Variants in ATP2B2 observed in about 807,000 individuals in gnomAD.
The protein encoded by ATP2B2 is plasma membrane calcium-transporting ATPase 2.
A neutral mutation model predicts 120.0 loss-of-function variants in ATP2B2; 15 were observed. The observed-to-expected ratio is 0.12, with a 90% CI of 0.08 to 0.19. ATP2B2 has a LOEUF of 0.19. Ranked by LOEUF, ATP2B2 falls within the 10% of genes least tolerant of loss-of-function variation. The pLI, the probability that ATP2B2 is intolerant of heterozygous loss-of-function variation, is 1.00. For synonymous variants in ATP2B2, 694 were observed against 700.3 expected, an observed-to-expected ratio of 0.99 and a Z score of 0.14; for missense variants, 1,045 against 1,719.8, an observed-to-expected ratio of 0.61 and a Z score of 6.94.
rs1553616105 is a variant in ATP2B2, at chr3:10,486,338, T to TGTG, written c.-320+19124_-320+19126dup. Among the ~76,000 whole-genome samples, 4 of 151,964 alleles carry TGTG rather than the reference T, an allele frequency of 2.6e-5. No homozygotes were observed. In the East Asian group the frequency reaches 7.8e-4, roughly 30 times the overall value. On this transcript the variant is annotated intron_variant, in intron 1 of 22. Coordinates refer to ENST00000360273, the MANE Select transcript of ATP2B2 (RefSeq NM_001001331.4). ...GTGTGTGCGTGCGTGTGTGTGTGTGTGTGTGTGTGTGTGTGTGTGTGTCTC... is the reference window on the plus strand; with the variant it reads ...GTGTGTGCGTGCGTGTGTGTGTGTGTGTGGTGTGTGTGTGTGTGTGTGTGTCTC...
intron 2 of ATP2B2, among the ~76,000 whole-genome samples, chr3:10,573,635 G>A (rs919652139): frequency 6.6e-6 from 1 of 152,176 alleles, no homozygotes; most frequent in East Asian, 1.9e-4. Flanking sequence ...CAGAGGCTTG[G>A]TTGGGTACCA....
intron 1 of ATP2B2, among the ~76,000 whole-genome samples, chr3:10,502,233 A>G (rs1182442688): frequency 6.6e-6 from 1 of 152,140 alleles, no homozygotes; most frequent in African/African-American, 2.4e-5. Flanking sequence ...CCGGCTCCTG[A>G]TCCTGATGCC....
chr3:10,348,723 C>A (rs771801013), intron 16 of ATP2B2, among the ~76,000 whole-genome samples: 1 of 152,226 alleles, frequency 6.6e-6, no homozygotes, highest in Non-Finnish European at 1.5e-5. Context: ...GTGTTGGGTC[C>A]AGAGCACCCC....
At chr3:10,653,279 A>G (rs1203587515) in intron 1 of ATP2B2, among the ~76,000 whole-genome samples, 2 of 152,172 alleles carry the variant, frequency 1.3e-5, no homozygotes, top group African/African-American at 4.8e-5. Context: ...AAAGCCACGC[A>G]GCCACTCTTA....
chr3:10,704,113 T>C (rs527773289), intron 1 of ATP2B2, among the ~76,000 whole-genome samples: 188 of 152,368 alleles, frequency 1.2e-3, no homozygotes, highest in African/African-American at 4.0e-3. Context: ...CTGTGTGGCA[T>C]AGCATGTCCT....
At chr3:10,516,748 C>T (rs1025715235) in intron 3 of ATP2B2, among the ~76,000 whole-genome samples, 18 of 152,362 alleles carry the variant, frequency 1.2e-4, no homozygotes, top group African/African-American at 2.9e-4. Flanking sequence ...ACAGGGCTCT[C>T]GCCACGTGCC....
intron 3 of ATP2B2, among the ~76,000 whole-genome samples, chr3:10,409,171 G>A (rs2062520562): frequency 6.6e-6 from 1 of 152,184 alleles, no homozygotes; most frequent in Non-Finnish European, 1.5e-5. Context: ...AAGTCGTCAT[G>A]TACTACCTTC....
At chr3:10,697,423 C>T (rs1575632607) in intron 1 of ATP2B2, among the ~76,000 whole-genome samples, 1 of 152,210 alleles carries the variant, frequency 6.6e-6, no homozygotes, top group Non-Finnish European at 1.5e-5. Context: ...GAAGGATCTA[C>T]TCCATAGAGA....
intron 1 of ATP2B2, among the ~76,000 whole-genome samples, chr3:10,651,104 A>G (rs564615448): frequency 6.6e-6 from 1 of 152,322 alleles, no homozygotes; most frequent in East Asian, 1.9e-4. Flanking sequence ...ACATGCTCAT[A>G]GGCAGAAGGG....
chr3:10,671,798 G>A (rs1403251908), intron 1 of ATP2B2, among the ~76,000 whole-genome samples: 1 of 152,128 alleles, frequency 6.6e-6, no homozygotes, highest in African/African-American at 2.4e-5. Flanking sequence ...GTGAGGTGAT[G>A]AACATTTTTG....
At chr3:10,512,479 C>CAGACACACACACACACACAG (rs1559431481) in intron 3 of ATP2B2, among the ~76,000 whole-genome samples, 3 of 74,766 alleles carry the variant, frequency 4.0e-5, no homozygotes, top group African/African-American at 1.6e-4. Context: ...CACACACACA[C>CAGACACACACACACACACAG]ACACACACAC....
Position 10,636,167 on chromosome 3 carries a change from A to G in ATP2B2, c.-459-16206T>C, listed in dbSNP as rs529734699. Among the ~76,000 whole-genome samples, 147 of 152,290 alleles carry G rather than the reference A, an allele frequency of 9.7e-4. 2 individuals carry two copies. The South Asian group carries it at 0.026, about 27-fold the overall frequency. ...CAGTCTCTTCCTGCAGCCCATGAGC[A>G]TTCTCCCAGCATCAACTCCCCTGCT... On this transcript the variant is annotated intron_variant, in intron 1 of 21. Coordinates refer to the ATP2B2 transcript ENST00000646379.
At chr3:10,354,699 G>A (rs1047064347) in intron 14 of ATP2B2, among the ~76,000 whole-genome samples, 26 of 152,182 alleles carry the variant, frequency 1.7e-4, no homozygotes, top group African/African-American at 5.8e-4. Context: ...GGCTTCTCGT[G>A]GGAGGAAGGC....
rs536317881 is a variant in ATP2B2 at position 10,376,384 on chromosome 3, T to C, written c.1202-740A>G. Among the ~76,000 whole-genome samples the C allele has an allele frequency of 7.2e-5, 11 of 152,278 alleles. No homozygotes were observed. In the South Asian group the frequency reaches 2.1e-3, roughly 29 times the overall value. On this transcript the variant is annotated intron_variant, in intron 10 of 22. Coordinates refer to ENST00000360273, the MANE Select transcript of ATP2B2 (RefSeq NM_001001331.4). ...GGTATTTGAGCAGACACCAGTCGCA[T>C]GGTGACCTAGGGAAGAACATTCCAT...
intron 1 of ATP2B2, among the ~76,000 whole-genome samples, chr3:10,663,777 C>T (rs2070851448): frequency 6.6e-6 from 1 of 152,134 alleles, no homozygotes; most frequent in South Asian, 2.1e-4. Context: ...ATGGCAAGGA[C>T]CACCTCCCAG....
At chr3:10,506,879 A>C (rs2066645241), upstream of ATP2B2, among the ~76,000 whole-genome samples, 1 of 152,244 alleles carries the variant, frequency 6.6e-6, no homozygotes, top group East Asian at 1.9e-4. Flanking sequence ...CTGGGCTGGC[A>C]CAGAATACCA....
At chr3:10,596,838 C>T (rs1374229440) in intron 2 of ATP2B2, among the ~76,000 whole-genome samples, 4 of 152,238 alleles carry the variant, frequency 2.6e-5, no homozygotes, top group African/African-American at 9.6e-5. Flanking sequence ...GAAAATCTTT[C>T]CCAAACGAAG....
At chr3:10,501,172 A>G (rs747000336) in intron 1 of ATP2B2, among the ~76,000 whole-genome samples, 24 of 152,108 alleles carry the variant, frequency 1.6e-4, no homozygotes, top group Non-Finnish European at 2.9e-4. Flanking sequence ...GTCTCTGGCC[A>G]CATATCTGGA....
At chr3:10,459,715 G>A (rs2064407000) in intron 1 of ATP2B2, among the ~76,000 whole-genome samples, 1 of 152,366 alleles carries the variant, frequency 6.6e-6, no homozygotes, top group South Asian at 2.1e-4. Context: ...AATGATAACA[G>A]CAACACCAAC....
Sources: gnomAD v4.1 joint callset for allele counts (sites outside exome capture counted in the v4.1 genomes callset) on GRCh38, gnomAD v4.1.1 for gene constraint, MANE v1.5 for transcripts, NCBI Gene and HGNC (gene_info 2026-07-23, HGNC 2026-07-21) for gene names.